The following MAGI1 variants were observed in gnomAD, a reference collection of about 807,000 sequenced individuals.
The protein encoded by MAGI1 is membrane-associated guanylate kinase, WW and PDZ domain-containing protein 1.
In MAGI1, 58 loss-of-function variants were observed where a neutral mutation model predicts 139.9. The ratio of observed to expected loss-of-function variants is 0.41; its 90% CI spans 0.34 to 0.52. The LOEUF is 0.52. Ranked by LOEUF, MAGI1 falls within the 20% of genes least tolerant of loss-of-function variation. MAGI1 has a pLI of 0.12. For missense variants in MAGI1, 1,874 were observed against 1,901.6 expected (o/e 0.99, Z 0.27); for synonymous variants, 812 against 737.9 (o/e 1.10, Z -1.63).
chr3:65,604,130 T>C (rs9833253), intron 2 of MAGI1, among the ~76,000 whole-genome samples: 78,461 of 151,850 alleles, frequency 0.52, 20,427 homozygotes, highest in South Asian at 0.59. Flanking sequence ...TTTATGGCTT[T>C]TCAGGGGAAA....
intron 1 of MAGI1, among the ~76,000 whole-genome samples, chr3:65,847,102 A>G (rs1015848180): frequency 6.6e-6 from 1 of 152,144 alleles, no homozygotes; most frequent in African/African-American, 2.4e-5. Flanking sequence ...ACATAATGAA[A>G]TGACTGTGCA....
In MAGI1 at chr3:65,531,586, C is replaced by A. The variant is rs76220326; in HGVS notation, c.431-37955G>T. 2.8e-3 allele frequency among the ~76,000 whole-genome samples: 424 copies of A among 152,258 alleles called. 1 individual carries two copies. Among genetic ancestry groups the A allele is most frequent in the Middle Eastern group, 6.8e-3 (2 of 294 alleles). Reference sequence around the variant, plus strand: ...CTACTATAGGTTTGCTCTCTGGCTCCAATTCCCTATCCATCTTTGTAAATG... The same window carrying A: ...CTACTATAGGTTTGCTCTCTGGCTCAAATTCCCTATCCATCTTTGTAAATG... On this transcript the variant is annotated intron_variant, in intron 2 of 22. Transcript: ENST00000402939.
intron 2 of MAGI1, among the ~76,000 whole-genome samples, chr3:65,533,046 T>A (rs1177512597): frequency 6.6e-6 from 1 of 152,140 alleles, no homozygotes; most frequent in Non-Finnish European, 1.5e-5. Context: ...CACCTAAAGA[T>A]AAACTTTTGG....
intron 1 of MAGI1, among the ~76,000 whole-genome samples, chr3:65,959,514 G>A (rs932161050): frequency 2.6e-5 from 4 of 151,720 alleles, no homozygotes; most frequent in African/African-American, 9.7e-5. Context: ...ATAGCTCAGT[G>A]TAGCCTCTAC....
chr3:65,828,327 G>A (rs533092968), intron 1 of MAGI1, among the ~76,000 whole-genome samples: 1 of 152,320 alleles, frequency 6.6e-6, no homozygotes, highest in African/African-American at 2.4e-5. Flanking sequence ...ACTTTTATAG[G>A]AGGAAGGAGA....
chr3:65,942,963 G>T (rs2063382284), intron 1 of MAGI1, among the ~76,000 whole-genome samples: 1 of 152,192 alleles, frequency 6.6e-6, no homozygotes, highest in South Asian at 2.1e-4. Context: ...GGAGGTTGCA[G>T]TGAGCCGAGA....
chr3:65,973,331 T>C (rs1441228302), intron 1 of MAGI1, among the ~76,000 whole-genome samples: 4 of 152,194 alleles, frequency 2.6e-5, no homozygotes, highest in African/African-American at 9.7e-5. Context: ...TTCTACTCTT[T>C]TTTCTTCATC....
intron 13 of MAGI1, among the ~76,000 whole-genome samples, chr3:65,393,689 C>T (rs564486381): frequency 3.3e-5 from 5 of 152,268 alleles, no homozygotes; most frequent in African/African-American, 1.2e-4. Flanking sequence ...TTTGGTTCCT[C>T]AAATTAATAG....
At chr3:65,519,321 G>C (rs2107793204) in intron 2 of MAGI1, among the ~76,000 whole-genome samples, 1 of 148,746 alleles carries the variant, frequency 6.7e-6, no homozygotes, top group Admixed American at 6.8e-5. Context: ...TTCATCACAG[G>C]AGTATCATGA....
rs556353245 is a variant in MAGI1 at position 65,970,140 on chromosome 3, G to A, written c.313+67856C>T. Among the ~76,000 whole-genome samples, 570 of 152,222 alleles carry A rather than the reference G, an allele frequency of 3.7e-3. 2 individuals carry two copies. The highest frequency in any genetic ancestry group is 0.013 in the African/African-American group (545 of 41,524). On this transcript the variant is annotated intron_variant, in intron 1 of 22. Coordinates refer to ENST00000402939, the MANE Select transcript of MAGI1 (RefSeq NM_001033057.2). ...AAACAAATCGAGGTGTGCATACATGGCAGAATATTTATTAAGCTCTAAAAA... is the reference window on the plus strand; with the variant it reads ...AAACAAATCGAGGTGTGCATACATGACAGAATATTTATTAAGCTCTAAAAA...
chr3:66,016,709 G>A lies in MAGI1; in HGVS notation c.313+21287C>T, dbSNP rs1233620054. ...ACTCCACCTGCTTCCAAGGGGAGTGGGAAGATAAAAGTCAAATAGGACAAG... is the reference window on the plus strand; with the variant it reads ...ACTCCACCTGCTTCCAAGGGGAGTGAGAAGATAAAAGTCAAATAGGACAAG... On this transcript the variant is annotated intron_variant, in intron 1 of 22. Coordinates refer to ENST00000402939, the MANE Select transcript of MAGI1 (RefSeq NM_001033057.2). 3.3e-5 allele frequency among the ~76,000 whole-genome samples: 5 copies of A among 152,242 alleles called. No individual in the cohort carries two copies. In the South Asian group the frequency reaches 1.0e-3, roughly 32 times the overall value.
At chr3:65,562,494 T>G (rs1382839989) in intron 2 of MAGI1, among the ~76,000 whole-genome samples, 1 of 152,184 alleles carries the variant, frequency 6.6e-6, no homozygotes, top group Non-Finnish European at 1.5e-5. Flanking sequence ...GTGTTTTTTG[T>G]TTTTGTTTTT....
intron 2 of MAGI1, among the ~76,000 whole-genome samples, chr3:65,570,998 C>T (rs2080931491): frequency 6.6e-6 from 1 of 152,086 alleles, no homozygotes; most frequent in Non-Finnish European, 1.5e-5. Context: ...TTTGGAAAGC[C>T]TCAAAATCAG....
intron 2 of MAGI1, among the ~76,000 whole-genome samples, chr3:65,525,270 A>G (rs1371126018): frequency 6.6e-6 from 1 of 152,118 alleles, no homozygotes; most frequent in African/African-American, 2.4e-5. Flanking sequence ...ACCTTTCTCA[A>G]ATCTGCAACT....
chr3:65,660,267 C>T (rs1198762452), intron 1 of MAGI1, among the ~76,000 whole-genome samples: 1 of 152,216 alleles, frequency 6.6e-6, no homozygotes, highest in Non-Finnish European at 1.5e-5. Flanking sequence ...GGCACTAACG[C>T]CATGAAGGTG....
chr3:65,743,883 A>G (rs947197666), intron 1 of MAGI1, among the ~76,000 whole-genome samples: 6 of 152,116 alleles, frequency 3.9e-5, no homozygotes, highest in African/African-American at 1.4e-4. Context: ...TCTGGGGAAA[A>G]TTAATTTACA....
At chr3:65,886,300 G>A (rs2060529001) in intron 1 of MAGI1, among the ~76,000 whole-genome samples, 1 of 152,042 alleles carries the variant, frequency 6.6e-6, no homozygotes, top group Non-Finnish European at 1.5e-5. Flanking sequence ...AATGGATGAG[G>A]ACAAGAAAAT....
chr3:65,471,121 A>C (rs1378875684), intron 4 of MAGI1, among the ~76,000 whole-genome samples: 2 of 152,164 alleles, frequency 1.3e-5, no homozygotes, highest in Non-Finnish European at 2.9e-5. Context: ...GTGAAAACCA[A>C]GAGTTACCCC....
intron 1 of MAGI1, among the ~76,000 whole-genome samples, chr3:65,981,647 C>A (rs1298660965): frequency 6.6e-6 from 1 of 152,138 alleles, no homozygotes; most frequent in Admixed American, 6.5e-5. Flanking sequence ...GTGGGAGGCA[C>A]CCGGTGGGAG....
Sources: allele counts gnomAD v4.1 joint callset (sites outside exome capture counted in the v4.1 genomes callset), GRCh38; gene constraint gnomAD v4.1.1; transcripts MANE v1.5; gene names NCBI Gene and HGNC (gene_info 2026-07-23, HGNC 2026-07-21).